Variants in DPYD observed in about 807,000 individuals in gnomAD.
DPYD encodes the protein dihydropyrimidine dehydrogenase.
A neutral mutation model predicts 116.2 loss-of-function variants in DPYD; 109 were observed. The observed-to-expected ratio is 0.94, with a 90% CI of 0.80 to 1.10. The LOEUF is 1.10. Ranked by LOEUF, DPYD falls within the 50% of genes least tolerant of loss-of-function variation. The pLI, the probability that DPYD is intolerant of heterozygous loss-of-function variation, is 0.00. For synonymous variants in DPYD, 440 were observed against 432.0 expected (o/e 1.02, Z -0.23); for missense variants, 1,302 against 1,254.5 (o/e 1.04, Z -0.57).
chr1:97,181,074 A>G (rs1450020703), intron 20 of DPYD, among the ~76,000 whole-genome samples: 3 of 152,120 alleles, frequency 2.0e-5, no homozygotes, highest in African/African-American at 7.2e-5. Flanking sequence ...CATGTTCTGT[A>G]CTATCTCATC....
intron 11 of DPYD, among the ~76,000 whole-genome samples, chr1:97,553,820 T>G (rs901375186): frequency 6.6e-6 from 1 of 152,066 alleles, no homozygotes; most frequent in African/African-American, 2.4e-5. Context: ...TCCCAAAACA[T>G]GCTTATTCAC....
intron 3 of DPYD, among the ~76,000 whole-genome samples, chr1:97,789,386 T>C (rs1050413453): frequency 6.6e-6 from 1 of 152,200 alleles, no homozygotes; most frequent in African/African-American, 2.4e-5. Context: ...CTGACTATAC[T>C]GGGAGCATCA....
rs143128085 is a variant in DPYD at position 97,452,825 on chromosome 1, A to G, written c.1741-2602T>C. Among the ~76,000 whole-genome samples, 647 of 152,158 alleles carry G rather than the reference A, an allele frequency of 4.3e-3. 7 individuals carry two copies. Among genetic ancestry groups the G allele is most frequent in the African/African-American group, 0.015 (630 of 41,524 alleles). On this transcript the variant is annotated intron_variant, in intron 13 of 22. Coordinates refer to ENST00000370192, the MANE Select transcript of DPYD (RefSeq NM_000110.4). ...GGAAGCTTTCTGAGGCCTCCACATTAGCAGATGCTGCTATGCTTCCTATAG... is the reference window on the plus strand; with the variant it reads ...GGAAGCTTTCTGAGGCCTCCACATTGGCAGATGCTGCTATGCTTCCTATAG...
At chr1:97,213,109 C>T (rs1376141636) in intron 19 of DPYD, among the ~76,000 whole-genome samples, 1 of 152,000 alleles carries the variant, frequency 6.6e-6, no homozygotes, top group Non-Finnish European at 1.5e-5. Flanking sequence ...AATAAAAGCA[C>T]CAATCTCATT....
rs150261685 is a variant in DPYD, at chr1:97,397,903, G to A, written c.1906-15442C>T. On this transcript the variant is annotated intron_variant, in intron 14 of 22. Coordinates refer to ENST00000370192, the MANE Select transcript of DPYD (RefSeq NM_000110.4). ...AGGAGTAGAGTTGTTGGATCCTATGGTAAGAGTATTTGTAGTTTTACAAGA... is the reference window on the plus strand; with the variant it reads ...AGGAGTAGAGTTGTTGGATCCTATGATAAGAGTATTTGTAGTTTTACAAGA... Among the ~76,000 whole-genome samples, 575 of 151,798 alleles carry A rather than the reference G, an allele frequency of 3.8e-3. 3 individuals are homozygous for A. The highest frequency in any genetic ancestry group is 0.013 in the African/African-American group (532 of 41,418).
At chr1:97,670,978 A>G (rs1329837878) in intron 8 of DPYD, among the ~76,000 whole-genome samples, 3 of 152,098 alleles carry the variant, frequency 2.0e-5, no homozygotes, top group Non-Finnish European at 4.4e-5. Flanking sequence ...AAATTCCTCC[A>G]TGTCTCCATC....
At chr1:97,533,176 TACAATTCA>T (rs1289313095) in intron 12 of DPYD, among the ~76,000 whole-genome samples, 1 of 151,930 alleles carries the variant, frequency 6.6e-6, no homozygotes, top group Non-Finnish European at 1.5e-5. Flanking sequence ...CACTGGGGAT[TACAATTCA>T]ACATGAGATT....
rs141018644 is a variant in DPYD, at chr1:97,212,553, G to T, written c.2443-19305C>A. ...ATCTGTATGCAAGTCTTTTTTTCTG[G>T]ATATATATATTTATTTGTCTGAGAT... On this transcript the variant is annotated intron_variant, in intron 19 of 22. Coordinates refer to ENST00000370192, the MANE Select transcript of DPYD (RefSeq NM_000110.4). Among the ~76,000 whole-genome samples the T allele has an allele frequency of 4.5e-4, 68 of 151,954 alleles. No homozygotes were observed. The East Asian group carries it at 0.013, about 29-fold the overall frequency.
chr1:97,255,418 T>C (rs929274036), intron 18 of DPYD, among the ~76,000 whole-genome samples: 1 of 152,168 alleles, frequency 6.6e-6, no homozygotes, highest in Non-Finnish European at 1.5e-5. Flanking sequence ...AATTAAATCA[T>C]GTGGGCAGGT....
intron 20 of DPYD, among the ~76,000 whole-genome samples, chr1:97,140,340 A>G (rs898407767): frequency 6.6e-6 from 1 of 152,080 alleles, no homozygotes; most frequent in Non-Finnish European, 1.5e-5. Flanking sequence ...ACTACATTGA[A>G]AGCCCTGCCA....
chr1:97,718,357 G>C (rs1292816128), intron 5 of DPYD, among the ~76,000 whole-genome samples: 1 of 151,310 alleles, frequency 6.6e-6, no homozygotes, highest in Admixed American at 6.6e-5. Context: ...TGTAGATTCT[G>C]GGTATTAGTA....
At chr1:97,655,000 T>C (rs1189606065) in intron 8 of DPYD, among the ~76,000 whole-genome samples, 1 of 152,126 alleles carries the variant, frequency 6.6e-6, no homozygotes, top group Non-Finnish European at 1.5e-5. Context: ...AAGAACAGTA[T>C]GGGGAAACCG....
At chr1:97,495,923 C>T (rs1051024875) in intron 13 of DPYD, among the ~76,000 whole-genome samples, 1 of 151,966 alleles carries the variant, frequency 6.6e-6, no homozygotes, top group Non-Finnish European at 1.5e-5. Flanking sequence ...ACTGCAGGTC[C>T]TTTATTAGGT....
chr1:97,680,970 T>C (rs1660398887), intron 7 of DPYD, among the ~76,000 whole-genome samples: 1 of 152,200 alleles, frequency 6.6e-6, no homozygotes, highest in East Asian at 1.9e-4. Context: ...AAAATGTTCC[T>C]AAAAACAAAG....
chr1:97,729,149 G>A (rs991196779), intron 4 of DPYD, among the ~76,000 whole-genome samples: 2 of 152,050 alleles, frequency 1.3e-5, no homozygotes, highest in Admixed American at 6.6e-5. Context: ...AGAAGATAAC[G>A]TTTTTATTGA....
chr1:97,601,897 T>C (rs2102279758), intron 8 of DPYD, among the ~76,000 whole-genome samples: 1 of 152,162 alleles, frequency 6.6e-6, no homozygotes, highest in African/African-American at 2.4e-5. Flanking sequence ...ATAATATTCA[T>C]TTCATTGATT....
In DPYD at chr1:97,593,302, T is replaced by C. The variant is rs773243157; in HGVS notation, c.1044A>G (p.Ala348=). ...GAGCTCCACAACGTAGAGCAGATGT[T>C]GCACAGTCAAAGGCAGTGTCTCCAG... ...LGAGDTAFDC[A]TSALRCGARR... is the part of the protein sequence containing the mutation. The change falls in exon 10 of 23, where the codon GCA becomes GCG. Residue 348 remains alanine, a synonymous_variant. Transcript: ENST00000370192. 6.2e-7 allele frequency: 1 copy of C among 1,614,122 alleles called. No individual in the cohort carries two copies. Among genetic ancestry groups the C allele is most frequent in the Non-Finnish European group, 8.5e-7 (1 of 1,180,022 alleles).
At position 97,595,104 on chromosome 1, in the gene DPYD, T is replaced by C; in HGVS notation, c.913A>G (p.Thr305Ala). The change falls in exon 9 of 23, where the codon ACA becomes GCA. Residue 305 changes from threonine (T) to alanine (A), a missense_variant. Coordinates refer to ENST00000370192, the MANE Select transcript of DPYD (RefSeq NM_000110.4). ...QGLTQDQGFYTSKDFLPLVAK... is the reference protein window; with the variant it reads ...QGLTQDQGFYASKDFLPLVAK... ...ACAAGTGGCAAAAAGTCTTTGGATG[T>C]ATAAAACCCCTGGTCCTGCGTCAGG... 1.2e-6 allele frequency: 2 copies of C among 1,613,778 alleles called. No homozygotes were observed. Among genetic ancestry groups the C allele is most frequent in the Non-Finnish European group, 1.7e-6 (2 of 1,179,700 alleles).
At chr1:97,595,511 T>A (rs1011197920) in intron 8 of DPYD, among the ~76,000 whole-genome samples, 5 of 151,862 alleles carry the variant, frequency 3.3e-5, no homozygotes, top group African/African-American at 1.2e-4. Context: ...TTCAGCTACA[T>A]TAAAGTACTA....
Sources: allele counts gnomAD v4.1 joint callset (sites outside exome capture counted in the v4.1 genomes callset), GRCh38; gene constraint gnomAD v4.1.1; transcripts MANE v1.5; gene names NCBI Gene and HGNC (gene_info 2026-07-23, HGNC 2026-07-21).